The following PRUNE2 variants were observed in gnomAD, a reference collection of about 807,000 sequenced individuals.
PRUNE2 encodes prune homolog 2 with BCH domain.
In PRUNE2, 164 loss-of-function variants were observed where a neutral mutation model predicts 252.0. The observed-to-expected ratio is 0.65, with a 90% CI of 0.57 to 0.74. PRUNE2 has a LOEUF of 0.74. Ranked by LOEUF, PRUNE2 falls within the 30% of genes least tolerant of loss-of-function variation. PRUNE2 has a pLI of 0.00. For missense variants in PRUNE2, 3,495 were observed against 3,711.0 expected (o/e 0.94, Z 1.51); for synonymous variants, 1,292 against 1,350.2 (o/e 0.96, Z 0.94).
At chr9:76,903,711 C>A (rs529822843) in intron 1 of PRUNE2, among the ~76,000 whole-genome samples, 2 of 152,154 alleles carry the variant, frequency 1.3e-5, no homozygotes, top group Non-Finnish European at 2.9e-5. Flanking sequence ...CCTCTGCCCC[C>A]CTAGTAGCTG....
chr9:76,700,618 T>C (rs2045797036), intron 9 of PRUNE2, among the ~76,000 whole-genome samples: 1 of 152,226 alleles, frequency 6.6e-6, no homozygotes, highest in African/African-American at 2.4e-5. Flanking sequence ...TTTAAAAATT[T>C]ATTTTATAAC....
At chr9:76,722,027 G>GT (rs947462724) in intron 6 of PRUNE2, among the ~76,000 whole-genome samples, 1 of 151,976 alleles carries the variant, frequency 6.6e-6, no homozygotes, top group African/African-American at 2.4e-5. Flanking sequence ...TATTTTCCAT[G>GT]TTTTTTCCAG....
chr9:76,641,488 T>C lies in PRUNE2; in HGVS notation c.8729-3200A>G, dbSNP rs1842573873. On this transcript the variant is annotated intron_variant, in intron 12 of 18. Transcript: ENST00000376718. ...TTAAAAAATCAGATAATACTATAAT[T>C]GCAAGCAAAGTGCAATAACTAGAAT... Among the ~76,000 whole-genome samples, 3 of 152,172 alleles carry C rather than the reference T, an allele frequency of 2.0e-5. 1 individual carries two copies. The South Asian group carries it at 6.2e-4, about 31-fold the overall frequency.
chr9:76,763,281 T>C (rs1017265875), intron 6 of PRUNE2, among the ~76,000 whole-genome samples: 1 of 152,190 alleles, frequency 6.6e-6, no homozygotes, highest in Non-Finnish European at 1.5e-5. Flanking sequence ...GGACTACTGG[T>C]GTCACAGAGT....
chr9:76,711,329 G>A lies in PRUNE2; in HGVS notation c.945C>T (p.Asn315=), dbSNP rs771017074. The change falls in exon 8 of 19, where the codon AAC becomes AAT. Residue 315 remains asparagine, a synonymous_variant. Transcript: ENST00000376718. ...QICCELEECQ[N]PCLELEPFDC... ...CAAAGGGCTCCAGTTCTAGGCAAGG[G>A]TTCTGACACTCTTCCAGCTCACAGC... 1 of 1,612,954 alleles carries A rather than the reference G, an allele frequency of 6.2e-7. No individual in the cohort carries two copies. The highest frequency in any genetic ancestry group is 8.5e-7 in the Non-Finnish European group (1 of 1,179,566).
chr9:76,785,620 T>C (rs887551205), intron 6 of PRUNE2: 1 of 152,184 alleles, frequency 6.6e-6, no homozygotes, highest in Admixed American at 6.5e-5. Flanking sequence ...TTGAGATGTG[T>C]TTGTCCTTGT....
intron 11 of PRUNE2, among the ~76,000 whole-genome samples, chr9:76,646,751 C>T (rs1368375824): frequency 1.3e-5 from 2 of 152,200 alleles, no homozygotes. Context: ...TCCTTTCCCT[C>T]TAGTGAACTT....
intron 6 of PRUNE2, among the ~76,000 whole-genome samples, chr9:76,754,728 A>T (rs1465398990): frequency 1.3e-5 from 2 of 152,086 alleles, no homozygotes; most frequent in African/African-American, 4.8e-5. Context: ...GCACTTTGGG[A>T]GGCCAAGGCG....
intron 9 of PRUNE2, among the ~76,000 whole-genome samples, chr9:76,690,492 A>G (rs1298905860): frequency 1.1e-4 from 16 of 152,220 alleles, no homozygotes. Flanking sequence ...CTAGCTAGAA[A>G]GGGTGAAGTT....
chr9:76,868,576 A>G (rs1259242486), intron 1 of PRUNE2, among the ~76,000 whole-genome samples: 1 of 152,148 alleles, frequency 6.6e-6, no homozygotes, highest in East Asian at 1.9e-4. Context: ...AATCACATGT[A>G]CATGATCATT....
Position 76,612,321 on chromosome 9 carries a change from T to C in PRUNE2, c.*2249A>G, listed in dbSNP as rs1345288852. 2.0e-5 allele frequency: 3 copies of C among 152,078 alleles called. No homozygotes were observed. Among genetic ancestry groups the C allele is most frequent in the Non-Finnish European group, 4.4e-5 (3 of 68,012 alleles). The allele number at this position is 152,078 out of a possible 1,614,324, so 9.4% of individuals were successfully genotyped here. A position where few individuals can be genotyped will look rare whatever the true frequency, so the allele number is the denominator to read the frequency against. On this transcript the variant is annotated 3_prime_UTR_variant, in exon 19 of 19. Transcript: ENST00000376718. The stretch of plus-strand genomic sequence containing the variant: ...AAAAATATATATATAAATGGTGAGA[T>C]TGTTGCTGTGTCTGTTTGGCTATAA...
intron 6 of PRUNE2, among the ~76,000 whole-genome samples, chr9:76,748,078 G>A (rs1053292610): frequency 2.6e-5 from 4 of 152,108 alleles, no homozygotes; most frequent in African/African-American, 9.7e-5. Context: ...TTACAGGCGT[G>A]AGCCAACGTG....
chr9:76,835,365 GAA>G (rs547712157), intron 4 of PRUNE2, among the ~76,000 whole-genome samples: 4 of 151,936 alleles, frequency 2.6e-5, no homozygotes, highest in African/African-American at 9.7e-5. Flanking sequence ...ATAACAGAGA[GAA>G]AGAGGGAGGA....
rs151016593 is a variant in PRUNE2 at position 76,789,594 on chromosome 9, C to T, written c.756+34038G>A. 9.3e-4 allele frequency among the ~76,000 whole-genome samples: 141 copies of T among 152,272 alleles called. 1 individual carries two copies. The highest frequency in any genetic ancestry group is 3.3e-3 in the African/African-American group (136 of 41,550). On this transcript the variant is annotated intron_variant, in intron 6 of 18. Coordinates refer to ENST00000376718, the MANE Select transcript of PRUNE2 (RefSeq NM_015225.3). Reference sequence around the variant, plus strand: ...CATGCAGCTTCCCTAGAAGGCCCTCCATTAGGAGTCGACCAAGGAGCAAGG... The same window carrying T: ...CATGCAGCTTCCCTAGAAGGCCCTCTATTAGGAGTCGACCAAGGAGCAAGG...
At position 76,705,347 on chromosome 9, in the gene PRUNE2, G is replaced by A; in HGVS notation, c.6927C>T (p.Leu2309=). 1 of 1,614,020 alleles carries A rather than the reference G, an allele frequency of 6.2e-7. No homozygotes were observed. The change falls in exon 8 of 19, where the codon CTC becomes CTT. Residue 2309 remains leucine (L), a synonymous_variant. Transcript: ENST00000376718. The part of the protein sequence containing the change: ...FDHSFSDASG[L]NTSTGTIDDM... ...CATCTATTGTTCCCGTGGATGTGTTGAGACCTGAGGCATCGCTGAAACTGT... is the reference window on the plus strand; with the variant it reads ...CATCTATTGTTCCCGTGGATGTGTTAAGACCTGAGGCATCGCTGAAACTGT...
intron 1 of PRUNE2, among the ~76,000 whole-genome samples, chr9:76,881,171 T>C (rs1784592296): frequency 6.6e-6 from 1 of 152,146 alleles, no homozygotes; most frequent in Non-Finnish European, 1.5e-5. Context: ...TTTCACCATA[T>C]TGGCCAGGCT....
chr9:76,905,606 A>G (rs2063444147), intron 1 of PRUNE2, among the ~76,000 whole-genome samples: 1 of 152,164 alleles, frequency 6.6e-6, no homozygotes, highest in African/African-American at 2.4e-5. Context: ...ATCTCAAGGA[A>G]GACCACACCC....
At chr9:76,853,456 G>A (rs1272364408) in intron 2 of PRUNE2, among the ~76,000 whole-genome samples, 1 of 152,206 alleles carries the variant, frequency 6.6e-6, no homozygotes, top group Admixed American at 6.5e-5. Flanking sequence ...GAATTTTATA[G>A]ATTTCAAGTT....
rs1343006417 is a variant in PRUNE2 at position 76,705,986 on chromosome 9, G to A, written c.6288C>T (p.Asp2096=). The change falls in exon 8 of 19, where the codon GAC becomes GAT. Residue 2096 remains aspartate, a synonymous_variant. Transcript: ENST00000376718. Reference sequence around the variant, plus strand: ...GGCTGTCGGAAGCCTGAGAATTGCTGTCATGTTCGCAGTGCGTCAGGATAT... The same window carrying A: ...GGCTGTCGGAAGCCTGAGAATTGCTATCATGTTCGCAGTGCGTCAGGATAT... ...NPDILTHCEH[D]SNSQASDSPD... The A allele has an allele frequency of 1.9e-6, 3 of 1,613,866 alleles. No homozygotes were observed. Among genetic ancestry groups the A allele is most frequent in the African/African-American group, 1.3e-5 (1 of 74,924 alleles).
Sources: gnomAD v4.1 joint callset for allele counts (sites outside exome capture counted in the v4.1 genomes callset) on GRCh38, gnomAD v4.1.1 for gene constraint, MANE v1.5 for transcripts, NCBI Gene and HGNC (gene_info 2026-07-23, HGNC 2026-07-21) for gene names.